The following ANKRD54 variants were observed in gnomAD, a reference collection of about 807,000 sequenced individuals.
The protein encoded by ANKRD54 is ankyrin repeat domain 54, also known as ankyrin repeat domain-containing protein 54.
Under a neutral mutation model 36.2 loss-of-function variants are expected in ANKRD54, and 26 were observed. The ratio of observed to expected loss-of-function variants is 0.72; its 90% CI spans 0.53 to 1.00. The LOEUF (loss-of-function observed/expected upper bound fraction) is 1.00, where lower values mean the gene tolerates loss of function less well. ANKRD54 is among the 50% of genes least tolerant of loss of function. ANKRD54 has a pLI of 0.00. For missense variants in ANKRD54, 384 were observed against 424.3 expected, an observed-to-expected ratio of 0.91 and a Z score of 0.83; for synonymous variants, 209 against 188.4, an observed-to-expected ratio of 1.11 and a Z score of -0.89.
In ANKRD54 at chr22:37,844,043, GC is replaced by G; in HGVS notation, c.195del (p.Arg66AlafsTer26). 7.0e-7 allele frequency: 1 copy of G among 1,437,866 alleles called. No individual in the cohort carries two copies. Among genetic ancestry groups the G allele is most frequent in the Non-Finnish European group, 9.1e-7 (1 of 1,102,514 alleles). 89.1% of individuals were successfully genotyped at this position (1,437,866 alleles called of 1,614,324 possible). ...TGCTGCCACAGGACGTGCAAGTAGC[GC>G]AGCGGCGACTGGGCCCCGCCGGACG... ...GRASGGAQSPLRYLHVLWQQD... is the reference protein window; with the variant it reads ...GRASGGAQSPXRYLHVLWQQD... On this transcript the variant is annotated frameshift_variant, in exon 1 of 8. Coordinates refer to ENST00000215941, the MANE Select transcript of ANKRD54 (RefSeq NM_138797.4). LOFTEE classifies it high-confidence loss of function.
chr22:37,841,901 T>TAAAAA (rs2145985630), intron 1 of ANKRD54, among the ~76,000 whole-genome samples: 1 of 145,824 alleles, frequency 6.9e-6, no homozygotes, highest in South Asian at 2.2e-4. Context: ...ATAAATAAAA[T>TAAAAA]AAAAACACAA....
At chr22:37,835,288 G>A (rs372065418) in intron 3 of ANKRD54, among the ~76,000 whole-genome samples, 1 of 152,110 alleles carries the variant, frequency 6.6e-6, no homozygotes, top group East Asian at 1.9e-4. Flanking sequence ...CTTGAACCTG[G>A]GGAGCAGAGC....
At position 37,837,008 on chromosome 22, in the gene ANKRD54, G is replaced by A. The variant is rs1452860700; in HGVS notation, c.475+1492C>T. Among the ~76,000 whole-genome samples the A allele has an allele frequency of 1.5e-4, 21 of 144,526 alleles. 1 individual carries two copies. The highest frequency in any genetic ancestry group is 3.9e-4 in the African/African-American group (15 of 38,208). 94.8% of individuals were successfully genotyped at this position (144,526 alleles called of 152,430 possible). On this transcript the variant is annotated intron_variant, in intron 3 of 7. Transcript: ENST00000215941. ...CACGCCATTGCACTCCAGCCTGGGCGACAGGCAAGACTCCGTCTCAAAAAA... is the reference window on the plus strand; with the variant it reads ...CACGCCATTGCACTCCAGCCTGGGCAACAGGCAAGACTCCGTCTCAAAAAA...
At chr22:37,835,559 T>C (rs1403324554) in intron 3 of ANKRD54, among the ~76,000 whole-genome samples, 2 of 151,586 alleles carry the variant, frequency 1.3e-5, no homozygotes, top group Admixed American at 6.6e-5. Flanking sequence ...GTAATCCCAA[T>C]ACTTTGGGAG....
Position 37,833,123 on chromosome 22 carries a change from G to A in ANKRD54, c.595+36C>T, listed in dbSNP as rs543772480. 1.4e-5 allele frequency: 23 copies of A among 1,613,998 alleles called. No individual in the cohort carries two copies. The South Asian group carries it at 2.4e-4, about 17-fold the overall frequency. On this transcript the variant is annotated intron_variant, in intron 5 of 7. Coordinates refer to ENST00000215941, the MANE Select transcript of ANKRD54 (RefSeq NM_138797.4). Reference sequence around the variant, plus strand: ...GAGGTGAGCATTCTGGGGGTGAGGGGGAGAAAGAGGACAGAGAGGGGAAGA... The same window carrying A: ...GAGGTGAGCATTCTGGGGGTGAGGGAGAGAAAGAGGACAGAGAGGGGAAGA...
chr22:37,843,913 T>G lies in ANKRD54; in HGVS notation c.326A>C (p.His109Pro). Residue 109 changes from histidine (H) to proline (P), a missense_variant and splice_region_variant, in exon 1 of 8, where the codon CAC becomes CCC. Coordinates refer to ENST00000215941, the MANE Select transcript of ANKRD54 (RefSeq NM_138797.4). Reference sequence around the variant, plus strand: ...CCCGCGCCGCTCGCGCCGCTCACCGTGCACCTCCTTGCCCGTGGGCCCGAG... The same window carrying G: ...CCCGCGCCGCTCGCGCCGCTCACCGGGCACCTCCTTGCCCGTGGGCCCGAG... ...RRLGPTGKEV[H>P]ALKRLRDSAN... The G allele has an allele frequency of 7.7e-7, 1 of 1,294,030 alleles. No homozygotes were observed. 80.2% of individuals were successfully genotyped at this position (1,294,030 alleles called of 1,614,324 possible).
intron 1 of ANKRD54, among the ~76,000 whole-genome samples, chr22:37,841,566 T>C (rs1047894629): frequency 2.2e-5 from 3 of 139,450 alleles, no homozygotes; most frequent in African/African-American, 5.4e-5. Context: ...ACAAAAAACA[T>C]AGGCCGGGCA....
At chr22:37,839,574 A>C (rs1274507460) in intron 2 of ANKRD54, among the ~76,000 whole-genome samples, 1 of 152,118 alleles carries the variant, frequency 6.6e-6, no homozygotes, top group East Asian at 1.9e-4. Flanking sequence ...TTTTCAGTAG[A>C]GATGGGGTTT....
chr22:37,837,507 T>C lies in ANKRD54; in HGVS notation c.475+993A>G, dbSNP rs528022282. Among the ~76,000 whole-genome samples the C allele has an allele frequency of 1.3e-3, 201 of 152,332 alleles. 1 individual carries two copies. The highest frequency in any genetic ancestry group is 4.5e-3 in the African/African-American group (187 of 41,568). On this transcript the variant is annotated intron_variant, in intron 3 of 7. Transcript: ENST00000215941. ...GTCCACCCTCCCTAACTGTGAATAC[T>C]GTGTCCACAGATTCAATGAACCCTG... is the stretch of plus-strand genomic sequence containing the variant.
intron 2 of ANKRD54, 101 bp downstream of exon 2, chr22:37,840,086 C>T: frequency 1.5e-6 from 2 of 1,349,054 alleles, no homozygotes; most frequent in Non-Finnish European, 2.1e-6. Context: ...GCTCCAAGGG[C>T]GTGAGTTTGC....
chr22:37,831,720 T>C lies in ANKRD54; in HGVS notation c.*223A>G, dbSNP rs1293853925. 5 of 573,454 alleles carry C rather than the reference T, an allele frequency of 8.7e-6. No homozygotes were observed. Among genetic ancestry groups the C allele is most frequent in the African/African-American group, 1.9e-5 (1 of 53,434 alleles). The allele number at this position is 573,454 out of a possible 1,614,324, so 35.5% of individuals were successfully genotyped here. The stretch of plus-strand genomic sequence containing the variant: ...TGGTGCTGCGAGAACTGGAAGAAGC[T>C]GGGAGCTGTGGTCCCTGTCCACAGA... On this transcript the variant is annotated 3_prime_UTR_variant, in exon 8 of 8. Transcript: ENST00000215941.
intron 3 of ANKRD54, among the ~76,000 whole-genome samples, chr22:37,834,982 CT>C (rs1923349393): frequency 6.6e-6 from 1 of 151,960 alleles, no homozygotes; most frequent in Non-Finnish European, 1.5e-5. Flanking sequence ...TTGCTGGAAC[CT>C]AGGAGGTGGA....
intron 4 of ANKRD54, 143 bp from the exon 5 acceptor site, chr22:37,833,349 G>T: frequency 1.9e-6 from 2 of 1,030,728 alleles, no homozygotes; most frequent in Non-Finnish European, 2.9e-6. Context: ...GCACAGCTAG[G>T]TAGGACTCAG....
At chr22:37,840,472 T>C (rs2145980090) in intron 1 of ANKRD54, among the ~76,000 whole-genome samples, 1 of 151,824 alleles carries the variant, frequency 6.6e-6, no homozygotes, top group Middle Eastern at 3.4e-3. Context: ...GGCGGGTGAA[T>C]GGCGTGAACC....
rs765386107 is a variant in ANKRD54, at chr22:37,833,741, C to T, written c.490G>A (p.Asp164Asn). The T allele has an allele frequency of 5.6e-6, 9 of 1,613,938 alleles. No individual in the cohort carries two copies. In the African/African-American group the frequency reaches 8.0e-5, roughly 14 times the overall value. ...GNDQIVQLLL[D>N]HGADPNQRDG... The stretch of plus-strand genomic sequence containing the variant: ...CGCTGGTTAGGATCAGCACCATGGT[C>T]CAGGAGCAGCTGCACTGGAAACAGG... The change falls in exon 4 of 8, where the codon GAC becomes AAC. Residue 164 changes from aspartate to asparagine, a missense_variant. Coordinates refer to ENST00000215941, the MANE Select transcript of ANKRD54 (RefSeq NM_138797.4).
upstream of ANKRD54, among the ~76,000 whole-genome samples, chr22:37,846,862 T>C (rs906856233): frequency 2.9e-5 from 4 of 139,922 alleles, no homozygotes; most frequent in African/African-American, 7.9e-5. Flanking sequence ...CTTTTCTTTT[T>C]TTTTTTTTTG....
At chr22:37,836,730 G>A (rs1923597234) in intron 3 of ANKRD54, among the ~76,000 whole-genome samples, 1 of 150,074 alleles carries the variant, frequency 6.7e-6, no homozygotes, top group Non-Finnish European at 1.5e-5. Context: ...AGAACTTAAA[G>A]TTTAAAAAAA....
intron 2 of ANKRD54, among the ~76,000 whole-genome samples, chr22:37,839,141 CT>C (rs1923907581): frequency 2.0e-5 from 3 of 152,110 alleles, no homozygotes; most frequent in Non-Finnish European, 4.4e-5. Context: ...TCCCAAAGTG[CT>C]GGGATTACAG....
At chr22:37,833,110 C>T (rs1167455507) in intron 5 of ANKRD54, 28 bp from the exon 6 acceptor site, 3 of 1,613,962 alleles carry the variant, frequency 1.9e-6, no homozygotes. Flanking sequence ...GGTGAGCATT[C>T]TGGGGGTGAG....
Sources: gnomAD v4.1 joint callset for allele counts (sites outside exome capture counted in the v4.1 genomes callset) on GRCh38, gnomAD v4.1.1 for gene constraint, MANE v1.5 for transcripts, NCBI Gene and HGNC (gene_info 2026-07-23, HGNC 2026-07-21) for gene names.